Variants in GRIA1 observed in about 807,000 individuals in gnomAD.
GRIA1 encodes glutamate ionotropic receptor AMPA type subunit 1.
GRIA1 carries 31 observed loss-of-function variants against 99.2 expected under a neutral mutation model. That is an observed-to-expected ratio of 0.31 (90% CI 0.23 to 0.42). GRIA1 has a LOEUF of 0.42. Among genes scored for constraint, GRIA1 ranks in the 10% least tolerant of loss-of-function variants. The pLI is 1.00. For synonymous variants in GRIA1, 438 were observed against 432.4 expected, an observed-to-expected ratio of 1.01 and a Z score of -0.16; for missense variants, 782 against 1,157.5, an observed-to-expected ratio of 0.68 and a Z score of 4.71.
At chr5:153,637,756 G>C (rs1167496154) in intron 2 of GRIA1, among the ~76,000 whole-genome samples, 30 of 152,180 alleles carry the variant, frequency 2.0e-4, no homozygotes, top group Non-Finnish European at 2.9e-5. Flanking sequence ...GAGTGATCAA[G>C]TTCAGTGGAC....
intron 3 of GRIA1, among the ~76,000 whole-genome samples, chr5:153,649,427 TTTTA>T (rs561422926): frequency 1.4e-3 from 203 of 148,076 alleles, no homozygotes; most frequent in African/African-American, 4.5e-3. Flanking sequence ...TCAGGACACA[TTTTA>T]TTTATTTATT....
At chr5:153,795,688 G>C in intron 14 of GRIA1, 1 of 655,812 alleles carries the variant, frequency 1.5e-6, no homozygotes. Flanking sequence ...AGGCCTTAGA[G>C]AGCTGGGCCC....
chr5:153,503,061 G>C (rs1161724251), intron 2 of GRIA1, among the ~76,000 whole-genome samples: 1 of 151,978 alleles, frequency 6.6e-6, no homozygotes, highest in Non-Finnish European at 1.5e-5. Flanking sequence ...TTTCATAAAA[G>C]CCCACTGTAC....
rs144805590 is a variant in GRIA1 at position 153,580,882 on chromosome 5, C to T, written c.221-66046C>T. On this transcript the variant is annotated intron_variant, in intron 2 of 15. Transcript: ENST00000285900. ...ACCTTAGCAGTGCTGCTCAGTGGGA[C>T]GTCTCTGACTTTGATGTTGCACGTG... Among the ~76,000 whole-genome samples the T allele has an allele frequency of 9.4e-3, 1,432 of 152,202 alleles. 29 individuals carry two copies. The highest frequency in any genetic ancestry group is 0.032 in the African/African-American group (1,322 of 41,522).
chr5:153,804,799 T>G (rs1766318005), intron 15 of GRIA1, among the ~76,000 whole-genome samples: 1 of 152,074 alleles, frequency 6.6e-6, no homozygotes, highest in Non-Finnish European at 1.5e-5. Context: ...TTGGCCAGGC[T>G]GGAGTGCAGT....
intron 11 of GRIA1, among the ~76,000 whole-genome samples, chr5:153,708,182 A>G (rs1315724928): frequency 2.0e-5 from 3 of 152,126 alleles, no homozygotes; most frequent in African/African-American, 7.2e-5. Context: ...CTTCTGTCAG[A>G]CAGGTTTTTG....
At chr5:153,647,975 G>A (rs1036143832) in intron 3 of GRIA1, among the ~76,000 whole-genome samples, 1 of 152,158 alleles carries the variant, frequency 6.6e-6, no homozygotes, top group African/African-American at 2.4e-5. Flanking sequence ...GTCTTGTACT[G>A]TCCTACCTTC....
At chr5:153,631,157 C>T (rs1752935570) in intron 2 of GRIA1, among the ~76,000 whole-genome samples, 1 of 152,162 alleles carries the variant, frequency 6.6e-6, no homozygotes, top group Non-Finnish European at 1.5e-5. Context: ...GCTGTGCCCT[C>T]AAAAATTTGT....
chr5:153,610,598 A>C (rs1765894417), intron 2 of GRIA1, among the ~76,000 whole-genome samples: 1 of 152,224 alleles, frequency 6.6e-6, no homozygotes, highest in Admixed American at 6.5e-5. Flanking sequence ...ATTGTGGTCG[A>C]GAGTGTAGTC....
At chr5:153,578,148 C>CAAAAAAAAA (rs60901793) in intron 2 of GRIA1, among the ~76,000 whole-genome samples, 65 of 69,292 alleles carry the variant, frequency 9.4e-4, no homozygotes, top group Non-Finnish European at 1.1e-3. Flanking sequence ...GAGACTCTGT[C>CAAAAAAAAA]AAAAAAAAAA....
At chr5:153,709,746 G>A (rs188529400) in intron 11 of GRIA1, among the ~76,000 whole-genome samples, 84 of 152,290 alleles carry the variant, frequency 5.5e-4, no homozygotes, top group African/African-American at 1.9e-3. Flanking sequence ...TGGATCAGAA[G>A]AACAAAAGCT....
chr5:153,662,255 AC>A (rs1475062189), intron 5 of GRIA1, among the ~76,000 whole-genome samples: 3 of 152,196 alleles, frequency 2.0e-5, no homozygotes, highest in Non-Finnish European at 1.5e-5. Context: ...CCAAACATGG[AC>A]CAGGCCTGTC....
intron 2 of GRIA1, among the ~76,000 whole-genome samples, chr5:153,624,712 C>G (rs1328994068): frequency 6.6e-6 from 1 of 152,194 alleles, no homozygotes; most frequent in Non-Finnish European, 1.5e-5. Flanking sequence ...GCTCTGGCCA[C>G]AGACCGAAAA....
At chr5:153,672,510 C>T (rs2149483102) in intron 5 of GRIA1, among the ~76,000 whole-genome samples, 1 of 152,154 alleles carries the variant, frequency 6.6e-6, no homozygotes, top group Non-Finnish European at 1.5e-5. Flanking sequence ...AATCACATTT[C>T]CAGGCAGAGA....
chr5:153,611,552 A>G (rs1765981376), intron 2 of GRIA1, among the ~76,000 whole-genome samples: 1 of 152,170 alleles, frequency 6.6e-6, no homozygotes, highest in South Asian at 2.1e-4. Flanking sequence ...GCTCTCCATC[A>G]TTGCTTTGTT....
chr5:153,731,218 GTC>G (rs1419271280), intron 11 of GRIA1, among the ~76,000 whole-genome samples: 2 of 150,354 alleles, frequency 1.3e-5, no homozygotes, highest in African/African-American at 4.9e-5. Flanking sequence ...CTTTCTCTCT[GTC>G]TCTCTTTCTC....
chr5:153,541,001 C>A (rs767094796), intron 2 of GRIA1, among the ~76,000 whole-genome samples: 7 of 152,092 alleles, frequency 4.6e-5, no homozygotes, highest in Non-Finnish European at 1.0e-4. Context: ...CCTGCAGGAC[C>A]CGGGAGGTCA....
At chr5:153,741,992 G>A (rs1197277798) in intron 11 of GRIA1, among the ~76,000 whole-genome samples, 1 of 151,600 alleles carries the variant, frequency 6.6e-6, no homozygotes, top group East Asian at 1.9e-4. Context: ...CCAAGATCTG[G>A]GGATTTGCAG....
At chr5:153,625,283 G>A (rs1250757302) in intron 2 of GRIA1, among the ~76,000 whole-genome samples, 1 of 152,170 alleles carries the variant, frequency 6.6e-6, no homozygotes, top group Non-Finnish European at 1.5e-5. Context: ...GCCATTAACT[G>A]TATGACTTTG....
Sources: allele counts gnomAD v4.1 joint callset (sites outside exome capture counted in the v4.1 genomes callset), GRCh38; gene constraint gnomAD v4.1.1; transcripts MANE v1.5; gene names NCBI Gene and HGNC (gene_info 2026-07-23, HGNC 2026-07-21).